HELQ: variants seen among roughly 807,000 people sequenced by gnomAD.
HELQ encodes helicase, POLQ like.
Under a neutral mutation model 111.6 loss-of-function variants are expected in HELQ, and 77 were observed. The observed-to-expected ratio is 0.69, with a 90% confidence interval of 0.57 to 0.83. The LOEUF (loss-of-function observed/expected upper bound fraction) is 0.83. Ranked by LOEUF, HELQ falls within the 40% of genes least tolerant of loss-of-function variation. The pLI is 0.00. For synonymous variants in HELQ, 438 were observed against 454.7 expected, an observed-to-expected ratio of 0.96 and a Z score of 0.47; for missense variants, 1,200 against 1,288.5, an observed-to-expected ratio of 0.93 and a Z score of 1.05.
chr4:83,413,464 C>T, intron 17 of HELQ, among the ~76,000 whole-genome samples: 1 of 152,042 alleles, frequency 6.6e-6, no homozygotes, highest in East Asian at 1.9e-4. Context: ...CTAATAGAAA[C>T]TATAATGGAA....
In HELQ at chr4:83,453,660, C is replaced by T. The variant is rs1721532878; in HGVS notation, c.583G>A (p.Val195Ile). Residue 195 changes from valine (V) to isoleucine (I), a missense_variant, in exon 2 of 18, where the codon GTA (valine) becomes ATA (isoleucine). Coordinates refer to ENST00000295488, the MANE Select transcript of HELQ (RefSeq NM_133636.5). ...IEPGADLLYD[V>I]PSSQAIYFEN... Reference sequence around the variant, plus strand: ...AAGTATATAGCCTGTGAGGAAGGTACATCATACAAAAGATCAGCTCCAGGT... The same window carrying T: ...AAGTATATAGCCTGTGAGGAAGGTATATCATACAAAAGATCAGCTCCAGGT... The T allele has an allele frequency of 1.9e-6, 3 of 1,614,086 alleles. No individual in the cohort carries two copies. The highest frequency in any genetic ancestry group is 2.2e-5 in the East Asian group (1 of 44,884).
chr4:83,455,796 C>T lies in HELQ; in HGVS notation c.-103G>A, dbSNP rs1721763839. ...CGCCGGAGCCCGCTTCTACATCCAC[C>T]TTGGGAAAAGACCCCAAGTTAGCTC... is the stretch of plus-strand genomic sequence containing the variant. On this transcript the variant is annotated 5_prime_UTR_variant, in exon 1 of 18. Coordinates refer to ENST00000295488, the MANE Select transcript of HELQ (RefSeq NM_133636.5). 4.1e-6 allele frequency: 5 copies of T among 1,205,914 alleles called. 1 individual carries two copies. Among genetic ancestry groups the T allele is most frequent in the East Asian group, 2.3e-5 (1 of 42,840 alleles). 74.7% of individuals were successfully genotyped at this position (1,205,914 alleles called of 1,614,324 possible).
chr4:83,428,978 G>C (rs1285050790), intron 12 of HELQ, among the ~76,000 whole-genome samples: 1 of 152,012 alleles, frequency 6.6e-6, no homozygotes, highest in East Asian at 1.9e-4. Context: ...TGGTTGCTAG[G>C]AGGGAAGCAT....
At chr4:83,410,949 G>A (rs934734135) in intron 17 of HELQ, among the ~76,000 whole-genome samples, 3 of 150,468 alleles carry the variant, frequency 2.0e-5, no homozygotes, top group Non-Finnish European at 4.4e-5. Context: ...CCAGGAGTTC[G>A]AGACCAAACC....
intron 14 of HELQ, among the ~76,000 whole-genome samples, chr4:83,425,768 A>C (rs1719817267): frequency 6.6e-6 from 1 of 152,204 alleles, no homozygotes; most frequent in African/African-American, 2.4e-5. Context: ...GCTACCCAAA[A>C]AAAGGTCATC....
chr4:83,433,884 G>A (rs1260175940), intron 9 of HELQ, among the ~76,000 whole-genome samples: 7 of 150,972 alleles, frequency 4.6e-5, no homozygotes, highest in Admixed American at 6.6e-5. Flanking sequence ...GGGAGGCTGA[G>A]GCAGGAGAAT....
At chr4:83,435,476 G>C (rs1008922934) in intron 9 of HELQ, among the ~76,000 whole-genome samples, 1 of 151,946 alleles carries the variant, frequency 6.6e-6, no homozygotes, top group Non-Finnish European at 1.5e-5. Context: ...GTGTAAAAGT[G>C]TGAGGCCAAA....
At chr4:83,447,164 A>C (rs1340948023) in intron 3 of HELQ, 129 bp from the exon 4 acceptor site, 1 of 626,438 alleles carries the variant, frequency 1.6e-6, no homozygotes, top group Non-Finnish European at 2.8e-6. Flanking sequence ...CCTGGGCAAC[A>C]CAGTGAGACC....
At chr4:83,447,459 G>A (rs1721113095) in intron 3 of HELQ, among the ~76,000 whole-genome samples, 1 of 152,132 alleles carries the variant, frequency 6.6e-6, no homozygotes, top group African/African-American at 2.4e-5. Context: ...CAGGAACAAG[G>A]TCACAGGCAA....
intron 5 of HELQ, among the ~76,000 whole-genome samples, chr4:83,444,678 G>A (rs1720958459): frequency 1.3e-5 from 2 of 152,152 alleles, no homozygotes; most frequent in South Asian, 4.1e-4. Flanking sequence ...TTGCTCCTAT[G>A]TCTTGAAATG....
chr4:83,423,543 T>G (rs551454498), intron 14 of HELQ, among the ~76,000 whole-genome samples: 1 of 152,344 alleles, frequency 6.6e-6, no homozygotes, highest in South Asian at 2.1e-4. Flanking sequence ...GGTTTTTTCT[T>G]AGAATGTATT....
intron 2 of HELQ, among the ~76,000 whole-genome samples, chr4:83,450,775 A>T (rs1721320295): frequency 6.6e-6 from 1 of 151,996 alleles, no homozygotes; most frequent in South Asian, 2.1e-4. Flanking sequence ...GGACCAGCCT[A>T]GGCAACAAAA....
chr4:83,450,270 G>T (rs1040615361), intron 2 of HELQ, among the ~76,000 whole-genome samples: 1 of 121,828 alleles, frequency 8.2e-6, no homozygotes, highest in Non-Finnish European at 1.6e-5. Flanking sequence ...TCATTGCCCC[G>T]GAGTGGTGGA....
chr4:83,417,945 T>C (rs1458310842), intron 16 of HELQ, 148 bp downstream of exon 16: 4 of 493,422 alleles, frequency 8.1e-6, no homozygotes, highest in Non-Finnish European at 1.5e-5. Context: ...ATAACAGCTA[T>C]TTGTTTTAAA....
At position 83,448,836 on chromosome 4, in the gene HELQ, A is replaced by G; in HGVS notation, c.1138T>C (p.Cys380Arg). The G allele has an allele frequency of 6.2e-7, 1 of 1,614,084 alleles. No homozygotes were observed. Among genetic ancestry groups the G allele is most frequent in the African/African-American group, 1.3e-5 (1 of 75,044 alleles). The change falls in exon 3 of 18, where the codon TGT becomes CGT. Residue 380 changes from cysteine to arginine, a missense_variant. Physicochemically the swap from Cys to Arg is radical, Grantham distance 180. Around this residue, in one of 3 missense-constraint regions of HELQ, gnomAD observed 610 missense variants for 607.1 expected, o/e 1.00. Transcript: ENST00000295488. Reference protein sequence around the residue: ...EILMLQELLCCRKDVLMILPY... With the variant: ...EILMLQELLCRRKDVLMILPY... ...AGAATCATTAAAACATCTTTCCGAC[A>G]GCAAAGCAGTTCTTGCAGCATTAAA... is the stretch of plus-strand genomic sequence containing the variant.
rs183945755 is a variant in HELQ at position 83,442,496 on chromosome 4, C to T, written c.1563+1021G>A. Among the ~76,000 whole-genome samples, 9 of 149,940 alleles carry T rather than the reference C, an allele frequency of 6.0e-5. 1 individual carries two copies. Among genetic ancestry groups the T allele is most frequent in the East Asian group, 3.9e-4 (2 of 5,158 alleles). ...CGCAATCTCGGCTTGCTGCAACCTTCGCCCCACTGGGTTCAAGCGATTCTC... is the reference window on the plus strand; with the variant it reads ...CGCAATCTCGGCTTGCTGCAACCTTTGCCCCACTGGGTTCAAGCGATTCTC... On this transcript the variant is annotated intron_variant, in intron 6 of 17. Transcript: ENST00000295488.
intron 11 of HELQ, among the ~76,000 whole-genome samples, chr4:83,430,176 T>C (rs984927076): frequency 7.2e-6 from 1 of 139,736 alleles, no homozygotes; most frequent in Non-Finnish European, 1.6e-5. Context: ...AAAAGGAAAA[T>C]ACAACAGTTT....
chr4:83,429,793 C>T, intron 11 of HELQ, 47 bp from the exon 12 acceptor site: 1 of 1,221,602 alleles, frequency 8.2e-7, no homozygotes. Context: ...TAATTCAAGG[C>T]ATCACCTTGA....
At chr4:83,441,529 A>G (rs1326311710) in intron 6 of HELQ, 126 bp from the exon 7 acceptor site, 4 of 520,150 alleles carry the variant, frequency 7.7e-6, no homozygotes, top group African/African-American at 4.0e-5. Context: ...AGATACATAA[A>G]ACATGCTTCA....
Sources: allele counts gnomAD v4.1 joint callset (sites outside exome capture counted in the v4.1 genomes callset), GRCh38; gene constraint gnomAD v4.1.1; regional missense constraint gnomAD v4.1.1; transcripts MANE v1.5; gene names NCBI Gene and HGNC (gene_info 2026-07-23, HGNC 2026-07-21).